The following SRRM4 variants were observed in gnomAD, a reference collection of about 807,000 sequenced individuals.
SRRM4 encodes serine/arginine repetitive matrix 4.
SRRM4 carries 33 observed loss-of-function variants against 68.9 expected under a neutral mutation model. That is an observed-to-expected ratio of 0.48 (90% CI 0.36 to 0.64). SRRM4 has a LOEUF of 0.64. Ranked by LOEUF, SRRM4 falls within the 30% of genes least tolerant of loss-of-function variation. SRRM4 has a pLI of 0.00. For missense variants in SRRM4, 817 were observed against 827.1 expected (o/e 0.99, Z 0.15); for synonymous variants, 318 against 318.8 (o/e 1.00, Z 0.03).
chr12:119,039,155 C>A (rs1953649020), intron 1 of SRRM4, among the ~76,000 whole-genome samples: 1 of 152,220 alleles, frequency 6.6e-6, no homozygotes, highest in African/African-American at 2.4e-5. Flanking sequence ...CAAACTGGGG[C>A]ACCAACACCC....
Position 119,118,535 on chromosome 12 carries a change from G to A in SRRM4, c.437+1527G>A, listed in dbSNP as rs113791343. ...CACCTGCCCAGACTTCCTGACTGAT[G>A]TTATCTGAGTTTGTGTTTACTACAA... On this transcript the variant is annotated intron_variant, in intron 4 of 12. Transcript: ENST00000267260. Among the ~76,000 whole-genome samples, 150 of 152,308 alleles carry A rather than the reference G, an allele frequency of 9.8e-4. 1 individual carries two copies. Among genetic ancestry groups the A allele is most frequent in the African/African-American group, 3.2e-3 (131 of 41,574 alleles).
chr12:119,061,062 T>G (rs942761424), intron 1 of SRRM4, among the ~76,000 whole-genome samples: 10 of 152,106 alleles, frequency 6.6e-5, no homozygotes, highest in Admixed American at 2.6e-4. Flanking sequence ...TGTGTGTGTG[T>G]GGGCATGTGT....
intron 1 of SRRM4, among the ~76,000 whole-genome samples, chr12:119,057,817 G>A (rs1953786722): frequency 6.6e-6 from 1 of 152,220 alleles, no homozygotes; most frequent in Admixed American, 6.5e-5. Flanking sequence ...CATCAGCAAT[G>A]TAAAAGTGTT....
intron 3 of SRRM4, among the ~76,000 whole-genome samples, chr12:119,115,039 C>G (rs76980188): frequency 6.6e-6 from 1 of 151,396 alleles, no homozygotes; most frequent in Non-Finnish European, 1.5e-5. Context: ...GACTAGGCAC[C>G]GTGGTCTTCA....
chr12:119,074,799 C>G (rs971276354), intron 1 of SRRM4, among the ~76,000 whole-genome samples: 2 of 152,172 alleles, frequency 1.3e-5, no homozygotes, highest in Non-Finnish European at 2.9e-5. Flanking sequence ...TTTAAAAGCC[C>G]TATGCAACCC....
At position 119,154,270 on chromosome 12, in the gene SRRM4, G is replaced by A. The variant is rs765594101; in HGVS notation, c.1419G>A (p.Lys473=). The A allele has an allele frequency of 3.7e-6, 6 of 1,609,422 alleles. No individual in the cohort carries two copies. The South Asian group carries it at 6.7e-5, about 18-fold the overall frequency. The change falls in exon 12 of 13, where the codon AAG becomes AAA. Residue 473 remains lysine, a synonymous_variant. Coordinates refer to ENST00000267260, the MANE Select transcript of SRRM4 (RefSeq NM_194286.4). This position sits in a 1 kb window ranked among gnomAD's most constrained non-coding sequence, Gnocchi z 4.7. Reference sequence around the variant, plus strand: ...AGCGGGATCCCAAATACAGTGAGAAGGACTCGCAGCAGCGGGAGCGCGAGC... The same window carrying A: ...AGCGGGATCCCAAATACAGTGAGAAAGACTCGCAGCAGCGGGAGCGCGAGC... ...SRERDPKYSE[K]DSQQRERERA... is the part of the protein sequence containing the mutation.
In SRRM4 at chr12:119,154,228, C is replaced by T. The variant is rs201280010; in HGVS notation, c.1392-15C>T. ...CCCAGCCCCAGCTCCCCAGTAACCC[C>T]CCGCGCCCCTTCAGGGAGCGGGATC... On this transcript the variant is annotated splice_polypyrimidine_tract_variant and intron_variant, in intron 11 of 12. Coordinates refer to ENST00000267260, the MANE Select transcript of SRRM4 (RefSeq NM_194286.4). This position sits in a 1 kb window ranked among gnomAD's most constrained non-coding sequence, Gnocchi z 4.7. 1.5e-4 allele frequency: 231 copies of T among 1,590,198 alleles called. 1 individual carries two copies. The Admixed American group carries it at 4.0e-3, about 27-fold the overall frequency.
At chr12:118,986,323 C>A (rs186622703) in intron 1 of SRRM4, among the ~76,000 whole-genome samples, 11 of 152,148 alleles carry the variant, frequency 7.2e-5, no homozygotes, top group Admixed American at 5.9e-4. Context: ...AGGAAGGGAG[C>A]GTTATTGTGT....
At chr12:119,075,959 A>G (rs1218814973) in intron 1 of SRRM4, among the ~76,000 whole-genome samples, 6 of 149,556 alleles carry the variant, frequency 4.0e-5, no homozygotes, top group African/African-American at 1.2e-4. Flanking sequence ...GGTAATGATG[A>G]TGGTGGTGGT....
At chr12:119,134,668 A>G (rs1425032152) in intron 8 of SRRM4, among the ~76,000 whole-genome samples, 1 of 152,208 alleles carries the variant, frequency 6.6e-6, no homozygotes, top group African/African-American at 2.4e-5. Context: ...CCTGAAACAG[A>G]AAAGTGACAC....
In SRRM4 at chr12:119,153,525, T is replaced by TA. The variant is rs749347250; in HGVS notation, c.1281-13dup. On this transcript the variant is annotated splice_polypyrimidine_tract_variant and intron_variant, in intron 10 of 12. Coordinates refer to ENST00000267260, the MANE Select transcript of SRRM4 (RefSeq NM_194286.4). The stretch of plus-strand genomic sequence containing the variant: ...ACTCAGCAGGCTCCTCAGAGGCTGT[T>TA]ACCTCTCCCCCAGGTCCTACTCCCG... 40 of 1,534,706 alleles carry TA rather than the reference T, an allele frequency of 2.6e-5. 1 individual carries two copies. In the South Asian group the frequency reaches 4.1e-4, roughly 16 times the overall value.
At chr12:119,119,842 C>G (rs1954207274) in intron 4 of SRRM4, among the ~76,000 whole-genome samples, 1 of 152,010 alleles carries the variant, frequency 6.6e-6, no homozygotes, top group South Asian at 2.1e-4. Context: ...AAGACTCTCT[C>G]TACGTTCTCC....
intron 1 of SRRM4, among the ~76,000 whole-genome samples, chr12:119,054,859 A>C (rs1953766950): frequency 6.6e-6 from 1 of 152,150 alleles, no homozygotes; most frequent in Non-Finnish European, 1.5e-5. Flanking sequence ...CCTCTAGCAA[A>C]GGACAGTTTC....
intron 1 of SRRM4, among the ~76,000 whole-genome samples, chr12:118,995,511 C>T (rs1953343416): frequency 6.6e-6 from 1 of 152,202 alleles, no homozygotes. Flanking sequence ...GAGAATGTGG[C>T]TCAGGATATC....
Position 119,145,607 on chromosome 12 carries a change from C to A in SRRM4, c.998C>A (p.Ser333Tyr). 1 of 1,570,386 alleles carries A rather than the reference C, an allele frequency of 6.4e-7. No individual in the cohort carries two copies. Among genetic ancestry groups the A allele is most frequent in the Non-Finnish European group, 8.6e-7 (1 of 1,159,380 alleles). The change falls in exon 9 of 13, where the codon TCC becomes TAC. Residue 333 changes from serine to tyrosine, a missense_variant. Coordinates refer to ENST00000267260, the MANE Select transcript of SRRM4 (RefSeq NM_194286.4). ...GGCAACACCTCTGATTCAGGGAACT[C>A]CTTCACCACCTCCTCACCCCAGAAC... is the stretch of plus-strand genomic sequence containing the variant. ...NSGNTSDSGNSFTTSSPQNKG... is the reference protein window; with the variant it reads ...NSGNTSDSGNYFTTSSPQNKG...
intron 2 of SRRM4, among the ~76,000 whole-genome samples, chr12:119,108,553 C>T (rs572786634): frequency 1.1e-4 from 17 of 152,178 alleles, no homozygotes; most frequent in Admixed American, 8.5e-4. Context: ...TGAATTGATC[C>T]CTTTACCATA....
chr12:118,996,982 G>T (rs972695560), intron 1 of SRRM4, among the ~76,000 whole-genome samples: 1 of 152,244 alleles, frequency 6.6e-6, no homozygotes, highest in African/African-American at 2.4e-5. Context: ...GCTGAATGAG[G>T]CAGGGGTGGA....
rs980616336 is a variant in SRRM4, at chr12:118,981,818, G to T, written c.-65G>T. ...GAGCCGGGAGCTGGGTGTCGCCCCC[G>T]TTTGGAATCCACGTTTCAGCACTTT... On this transcript the variant is annotated 5_prime_UTR_variant, in exon 1 of 13. Coordinates refer to ENST00000267260, the MANE Select transcript of SRRM4 (RefSeq NM_194286.4). 3 of 1,508,892 alleles carry T rather than the reference G, an allele frequency of 2.0e-6. No homozygotes were observed. The South Asian group carries it at 3.7e-5, about 18-fold the overall frequency. 93.5% of individuals were successfully genotyped at this position (1,508,892 alleles called of 1,614,324 possible).
chr12:119,105,169 A>G (rs139614670), intron 2 of SRRM4, among the ~76,000 whole-genome samples: 11,687 of 151,868 alleles, frequency 0.077, 501 homozygotes, highest in Admixed American at 0.1. Flanking sequence ...TCATGGCTGC[A>G]TAGTATTCCA....
Sources: gnomAD v4.1 joint callset for allele counts (sites outside exome capture counted in the v4.1 genomes callset) on GRCh38, gnomAD v4.1.1 for gene constraint, Gnocchi (gnomAD v3.1) non-coding constraint, MANE v1.5 for transcripts, NCBI Gene and HGNC (gene_info 2026-07-23, HGNC 2026-07-21) for gene names.